The following CIMIP5 variants were observed in gnomAD, a reference collection of about 807,000 sequenced individuals.
CIMIP5 encodes the protein uncharacterized protein C2orf50.
At chr2:11,133,530 G>T in the CIMIP5 span, 1 of 1,608,094 alleles carries the variant, frequency 6.2e-7, no homozygotes, top group East Asian at 2.2e-5. Flanking sequence ...CTGCGATGGC[G>T]TGCAGCAGGA....
the CIMIP5 span, among the ~76,000 whole-genome samples, chr2:11,153,004 T>C: frequency 1.8e-4 from 27 of 152,170 alleles, no homozygotes; most frequent in African/African-American, 6.5e-4. Context: ...CTCAATAACC[T>C]TCTGAGCGGG....
the CIMIP5 span, chr2:11,140,422 C>T: frequency 1.5e-6 from 1 of 680,628 alleles, no homozygotes; most frequent in Non-Finnish European, 2.4e-6. Context: ...CCACGTGATA[C>T]ATTGTTGCAT....
chr2:11,136,025 A>C, the CIMIP5 span, among the ~76,000 whole-genome samples: 1 of 152,286 alleles, frequency 6.6e-6, no homozygotes, highest in Non-Finnish European at 1.5e-5. Flanking sequence ...ATATTTTGGA[A>C]ATTAACTCCT....
chr2:11,147,819 ACCTTCC>A, the CIMIP5 span, among the ~76,000 whole-genome samples: 1 of 152,072 alleles, frequency 6.6e-6, no homozygotes, highest in Non-Finnish European at 1.5e-5. Flanking sequence ...CCTGCTTCTA[ACCTTCC>A]CCATCTCACC....
chr2:11,137,336 T>C, the CIMIP5 span, among the ~76,000 whole-genome samples: 3 of 152,024 alleles, frequency 2.0e-5, no homozygotes, highest in Non-Finnish European at 4.4e-5. Flanking sequence ...ATTGTGCCAC[T>C]GCACTCCAGC....
the CIMIP5 span, chr2:11,133,431 C>A: frequency 1.9e-6 from 3 of 1,610,636 alleles, no homozygotes; most frequent in South Asian, 2.2e-5. Flanking sequence ...CCCAGCTGCC[C>A]GGGGTGGCCC....
the CIMIP5 span, among the ~76,000 whole-genome samples, chr2:11,149,664 A>C: frequency 6.6e-6 from 1 of 152,108 alleles, no homozygotes; most frequent in Non-Finnish European, 1.5e-5. Flanking sequence ...TTATGATCTG[A>C]TCACTGCCTT....
the CIMIP5 span, among the ~76,000 whole-genome samples, chr2:11,149,172 G>A: frequency 6.6e-6 from 1 of 152,104 alleles, no homozygotes; most frequent in Admixed American, 6.6e-5. Flanking sequence ...TTAGAGAACG[G>A]TAAATGCTGA....
chr2:11,151,606 G>A, the CIMIP5 span, among the ~76,000 whole-genome samples: 2 of 152,212 alleles, frequency 1.3e-5, no homozygotes, highest in African/African-American at 2.4e-5. Context: ...CAGAGCATTC[G>A]GGGATGGAAG....
the CIMIP5 span, chr2:11,140,550 G>A: frequency 1.3e-6 from 2 of 1,569,220 alleles, no homozygotes; most frequent in Non-Finnish European, 8.7e-7. Context: ...TGACCCAATG[G>A]TAAGGTAAAA....
the CIMIP5 span, chr2:11,144,323 G>A: frequency 7.1e-4 from 264 of 372,750 alleles, no homozygotes; most frequent in Non-Finnish European, 1.1e-3. Flanking sequence ...GTCCACGGCC[G>A]TACAATCCCC....
At chr2:11,140,495 G>T in the CIMIP5 span, 1 of 1,544,396 alleles carries the variant, frequency 6.5e-7, no homozygotes, top group Non-Finnish European at 8.8e-7. Context: ...CAGCCAACAT[G>T]TTTTTCCTTT....
chr2:11,138,334 T>C, the CIMIP5 span, among the ~76,000 whole-genome samples: 4 of 152,166 alleles, frequency 2.6e-5, 1 homozygote, highest in Admixed American at 2.0e-4. Context: ...AAGAACAGAA[T>C]TGGGGTATAT....
the CIMIP5 span, among the ~76,000 whole-genome samples, chr2:11,140,871 G>C: frequency 3.9e-5 from 6 of 152,094 alleles, no homozygotes; most frequent in Non-Finnish European, 8.8e-5. Context: ...TGGCGTGCCC[G>C]AGAAGGACAA....
chr2:11,140,677 T>TA, the CIMIP5 span: 1 of 620,206 alleles, frequency 1.6e-6, no homozygotes, highest in Non-Finnish European at 2.6e-6. Context: ...ATGAGTCAAA[T>TA]ACACTCTTGT....
chr2:11,152,323 G>A, the CIMIP5 span, among the ~76,000 whole-genome samples: 3 of 152,252 alleles, frequency 2.0e-5, no homozygotes, highest in South Asian at 4.2e-4. Context: ...TGGTCTTTTC[G>A]GGAAAGGATT....
At chr2:11,141,434 A>C in the CIMIP5 span, among the ~76,000 whole-genome samples, 1 of 151,874 alleles carries the variant, frequency 6.6e-6, no homozygotes, top group Non-Finnish European at 1.5e-5. Context: ...AGCCCCCACA[A>C]CACTCTTTTA....
the CIMIP5 span, among the ~76,000 whole-genome samples, chr2:11,140,038 G>A: frequency 9.8e-5 from 13 of 133,180 alleles, no homozygotes; most frequent in African/African-American, 2.9e-5. Flanking sequence ...AGTGAGCTGA[G>A]ATTATGCCAC....
the CIMIP5 span, among the ~76,000 whole-genome samples, chr2:11,153,101 G>C: frequency 3.3e-5 from 5 of 152,184 alleles, no homozygotes; most frequent in African/African-American, 1.2e-4. Flanking sequence ...GCCAATGCTA[G>C]GAGGACAGCT....
Sources: gnomAD v4.1 joint callset for allele counts (sites outside exome capture counted in the v4.1 genomes callset) on GRCh38, gnomAD v4.1.1 for gene constraint, MANE v1.5 for transcripts, NCBI Gene and HGNC (gene_info 2026-07-23, HGNC 2026-07-21) for gene names.